Variants in TACC3 observed in about 807,000 individuals in gnomAD.
TACC3 encodes transforming acidic coiled-coil containing protein 3.
In TACC3, 52 loss-of-function variants were observed where a neutral mutation model predicts 86.0. The ratio of observed to expected loss-of-function variants is 0.60; its 90% CI spans 0.48 to 0.76. The LOEUF (loss-of-function observed/expected upper bound fraction) is 0.76. Among genes scored for constraint, TACC3 ranks in the 30% least tolerant of loss-of-function variants. The pLI is 0.00. For missense variants in TACC3, 1,120 were observed against 1,070.4 expected, an observed-to-expected ratio of 1.05 and a Z score of -0.65; for synonymous variants, 512 against 430.0, an observed-to-expected ratio of 1.19 and a Z score of -2.36.
At chr4:1,731,502 C>A (rs968310201) in intron 6 of TACC3, among the ~76,000 whole-genome samples, 14 of 152,262 alleles carry the variant, frequency 9.2e-5, no homozygotes, top group Admixed American at 6.5e-5. Context: ...ATACCTTTAA[C>A]ATAAAAGACT....
intron 13 of TACC3, among the ~76,000 whole-genome samples, chr4:1,742,466 G>A (rs1169173576): frequency 6.6e-6 from 1 of 152,216 alleles, no homozygotes. Context: ...TCCCATCTTG[G>A]ACGACCCAGT....
In TACC3 at chr4:1,745,151, A is replaced by G. The variant is rs1718790301; in HGVS notation, c.*138A>G. The stretch of plus-strand genomic sequence containing the variant: ...ATTGCTTTGAAAACATGACTCAATA[A>G]AAGTTTCCTTTCAATTTAAACACTG... On this transcript the variant is annotated 3_prime_UTR_variant, in exon 16 of 16. Transcript: ENST00000313288. 1.1e-6 allele frequency: 1 copy of G among 951,462 alleles called. No individual in the cohort carries two copies. The highest frequency in any genetic ancestry group is 1.5e-6 in the Non-Finnish European group (1 of 646,498). The allele number at this position is 951,462 out of a possible 1,614,324, so 58.9% of individuals were successfully genotyped here.
Position 1,725,159 on chromosome 4 carries a change from C to T in TACC3, c.305+1289C>T, listed in dbSNP as rs556036235. Among the ~76,000 whole-genome samples, 27 of 151,914 alleles carry T rather than the reference C, an allele frequency of 1.8e-4. 1 individual carries two copies. The highest frequency in any genetic ancestry group is 3.2e-4 in the Non-Finnish European group (22 of 67,968). On this transcript the variant is annotated intron_variant, in intron 3 of 15. Coordinates refer to ENST00000313288, the MANE Select transcript of TACC3 (RefSeq NM_006342.3). Reference sequence around the variant, plus strand: ...GTTGGTCAGGCTGGTCTTGAACTCCCGACCTCAGGTGATCTGCCGGCCTCG... The same window carrying T: ...GTTGGTCAGGCTGGTCTTGAACTCCTGACCTCAGGTGATCTGCCGGCCTCG...
Position 1,745,056 on chromosome 4 carries a change from C to CT in TACC3, c.*44dup. 1 of 1,560,484 alleles carries CT rather than the reference C, an allele frequency of 6.4e-7. No individual in the cohort carries two copies. The highest frequency in any genetic ancestry group is 1.7e-4 in the Middle Eastern group (1 of 5,964). ...TCCCCGCCCCCCTGCTCCCGTCTGT[C>CT]TGTCCTGTCTGATTCTCTTAGGTGT... On this transcript the variant is annotated 3_prime_UTR_variant, in exon 16 of 16. Transcript: ENST00000313288.
intron 6 of TACC3, among the ~76,000 whole-genome samples, chr4:1,733,391 C>A (rs1291946109): frequency 6.6e-6 from 1 of 152,134 alleles, no homozygotes; most frequent in East Asian, 1.9e-4. Context: ...CATAGGGGCC[C>A]ACACTTGTAA....
Position 1,735,239 on chromosome 4 carries a change from G to A in TACC3, c.1592-34G>A. ...CCGCCGCCCTTAGGGCCCTGGTGAG[G>A]GGCGATGGCGGCGGCATGATTCACT... On this transcript the variant is annotated intron_variant, in intron 6 of 15. Transcript: ENST00000313288. The surrounding 1 kb of genome is among the most constrained non-coding windows in gnomAD (Gnocchi z 4.2). 1 of 1,613,598 alleles carries A rather than the reference G, an allele frequency of 6.2e-7. No individual in the cohort carries two copies. Among genetic ancestry groups the A allele is most frequent in the South Asian group, 1.1e-5 (1 of 91,090 alleles).
chr4:1,735,730 G>T lies in TACC3; in HGVS notation c.1645-1G>T, dbSNP rs1718225230. The T allele has an allele frequency of 1.9e-6, 3 of 1,611,944 alleles. No homozygotes were observed. The highest frequency in any genetic ancestry group is 1.7e-6 in the Non-Finnish European group (2 of 1,178,816). On this transcript the variant is annotated splice_acceptor_variant, in intron 7 of 15. Transcript: ENST00000313288. LOFTEE classifies it high-confidence loss of function. This position sits in a 1 kb window ranked among gnomAD's most constrained non-coding sequence, Gnocchi z 4.2. The stretch of plus-strand genomic sequence containing the variant: ...CTGATCACTTGCCCTCTTGTCCCCA[G>T]TTTAAGGAGTCGGCCTTGAGGAAGC...
At chr4:1,720,986 GC>G (rs1717302354), upstream of TACC3, 1 of 347,294 alleles carries the variant, frequency 2.9e-6, no homozygotes, top group Non-Finnish European at 5.2e-6. The surrounding 1 kb of genome is among the most constrained non-coding windows in gnomAD (Gnocchi z 4.4). Context: ...CCGCCCGGCC[GC>G]CCGCGGGGCA....
At chr4:1,725,794 G>A (rs1037722815) in intron 3 of TACC3, among the ~76,000 whole-genome samples, 13 of 152,348 alleles carry the variant, frequency 8.5e-5, no homozygotes, top group East Asian at 3.9e-4. Flanking sequence ...GTGCTCCCAC[G>A]TCAGTGGGAT....
upstream of TACC3, chr4:1,720,653 C>T: frequency 6.5e-7 from 1 of 1,545,350 alleles, no homozygotes; most frequent in Non-Finnish European, 8.7e-7. This position sits in a 1 kb window ranked among gnomAD's most constrained non-coding sequence, Gnocchi z 4.4. Flanking sequence ...CAGCGAGTGG[C>T]ACAACAGCGT....
intron 6 of TACC3, among the ~76,000 whole-genome samples, chr4:1,734,448 A>G (rs564063151): frequency 1.3e-5 from 2 of 152,198 alleles, no homozygotes; most frequent in Admixed American, 1.3e-4. Flanking sequence ...TTGGCCTCCC[A>G]AAGTGCTGGG....
chr4:1,735,229 C>A lies in TACC3; in HGVS notation c.1592-44C>A. ...AGACACCAGCCCGCCGCCCTTAGGG[C>A]CCTGGTGAGGGGCGATGGCGGCGGC... is the stretch of plus-strand genomic sequence containing the variant. On this transcript the variant is annotated intron_variant, in intron 6 of 15. Coordinates refer to ENST00000313288, the MANE Select transcript of TACC3 (RefSeq NM_006342.3). This position sits in a 1 kb window ranked among gnomAD's most constrained non-coding sequence, Gnocchi z 4.2. 1 of 1,612,910 alleles carries A rather than the reference C, an allele frequency of 6.2e-7. No homozygotes were observed. Among genetic ancestry groups the A allele is most frequent in the South Asian group, 1.1e-5 (1 of 91,052 alleles).
Position 1,731,259 on chromosome 4 carries a change from G to C in TACC3, c.1549G>C (p.Ala517Pro), listed in dbSNP as rs780549013. The change falls in exon 6 of 16, where the codon GCC becomes CCC. Residue 517 changes from alanine (A) to proline (P), a missense_variant. Physicochemically the swap from Ala to Pro is conservative, Grantham distance 27. Transcript: ENST00000313288. ...PVPTHQQGQPALELKEESFRD... is the reference protein window; with the variant it reads ...PVPTHQQGQPPLELKEESFRD... Reference sequence around the variant, plus strand: ...GCCCACCCATCAGCAGGGGCAGCCTGCCTTGGAGCTGAAAGAGGAGAGCTT... The same window carrying C: ...GCCCACCCATCAGCAGGGGCAGCCTCCCTTGGAGCTGAAAGAGGAGAGCTT... 6.2e-7 allele frequency: 1 copy of C among 1,613,380 alleles called. No homozygotes were observed. Among genetic ancestry groups the C allele is most frequent in the South Asian group, 1.1e-5 (1 of 91,090 alleles).
intron 13 of TACC3, among the ~76,000 whole-genome samples, chr4:1,743,006 G>T (rs1718667820): frequency 6.6e-6 from 1 of 152,180 alleles, no homozygotes; most frequent in Non-Finnish European, 1.5e-5. Context: ...GCTTATGCCT[G>T]TAATCCCAGC....
rs3752748 is a variant in TACC3, at chr4:1,735,382, G to C, written c.1644+57G>C. 1 of 1,603,248 alleles carries C rather than the reference G, an allele frequency of 6.2e-7. No individual in the cohort carries two copies. The highest frequency in any genetic ancestry group is 2.2e-5 in the East Asian group (1 of 44,834). On this transcript the variant is annotated intron_variant, in intron 7 of 15. Coordinates refer to ENST00000313288, the MANE Select transcript of TACC3 (RefSeq NM_006342.3). The surrounding 1 kb of genome is among the most constrained non-coding windows in gnomAD (Gnocchi z 4.2). ...CCACAGGGTGTCCGAGAGCAGCCAC[G>C]GCAGGTCTTGCCCCCGGAGCGTCCC...
rs1577220701 is a variant in TACC3, at chr4:1,737,584, C to T, written c.1837-14C>T. On this transcript the variant is annotated splice_polypyrimidine_tract_variant and intron_variant, in intron 9 of 15. Transcript: ENST00000313288. ...GGGCGAAATGGGTTCCTGTTTCATC[C>T]CCATCTCCCGCAGGTGCCAGGCCCA... The T allele has an allele frequency of 2.0e-6, 3 of 1,492,470 alleles. No individual in the cohort carries two copies. The highest frequency in any genetic ancestry group is 2.8e-5 in the African/African-American group (2 of 71,576). 92.5% of individuals were successfully genotyped at this position (1,492,470 alleles called of 1,614,324 possible).
intron 13 of TACC3, 128 bp from the exon 14 acceptor site, chr4:1,744,390 A>G: frequency 1.2e-6 from 1 of 812,502 alleles, no homozygotes; most frequent in Non-Finnish European, 1.9e-6. Flanking sequence ...CCAAAAGGAA[A>G]ACGGGAGCTA....
At chr4:1,722,346 C>T (rs1717442812) in intron 1 of TACC3, among the ~76,000 whole-genome samples, 1 of 152,244 alleles carries the variant, frequency 6.6e-6, no homozygotes, top group South Asian at 2.1e-4. Flanking sequence ...AGCACCCCTT[C>T]CCCTGCCCTG....
rs959320512 is a variant in TACC3, at chr4:1,735,190, C to T, written c.1592-83C>T. 2.6e-6 allele frequency: 4 copies of T among 1,548,022 alleles called. No homozygotes were observed. Among genetic ancestry groups the T allele is most frequent in the Non-Finnish European group, 3.6e-6 (4 of 1,123,366 alleles). Reference sequence around the variant, plus strand: ...TGCTGGCTGGAATGATCCTGCCTCACTGAGTGCTGAGGGAGACACCAGCCC... The same window carrying T: ...TGCTGGCTGGAATGATCCTGCCTCATTGAGTGCTGAGGGAGACACCAGCCC... On this transcript the variant is annotated intron_variant, in intron 6 of 15. Transcript: ENST00000313288. The surrounding 1 kb of genome is among the most constrained non-coding windows in gnomAD (Gnocchi z 4.2).
Sources: allele counts gnomAD v4.1 joint callset (sites outside exome capture counted in the v4.1 genomes callset), GRCh38; gene constraint gnomAD v4.1.1; non-coding constraint Gnocchi (gnomAD v3.1); transcripts MANE v1.5; gene names NCBI Gene and HGNC (gene_info 2026-07-23, HGNC 2026-07-21).